TUBA4B: variants seen among roughly 807,000 people sequenced by gnomAD.
The protein encoded by TUBA4B is tubulin-like protein alpha-4B.
A neutral mutation model predicts 18.4 loss-of-function variants in TUBA4B; 13 were observed. The observed-to-expected ratio is 0.71, with a 90% CI of 0.46 to 1.12. TUBA4B has a LOEUF of 1.12. TUBA4B is among the 50% of genes most tolerant of loss of function. TUBA4B has a pLI of 0.00. For missense variants in TUBA4B, 244 were observed against 250.0 expected (o/e 0.98, Z 0.16); for synonymous variants, 101 against 99.1 (o/e 1.02, Z -0.11).
chr2:219,253,548 C>A, intron 1 of TUBA4B, 129 bp downstream of exon 1: 1 of 817,374 alleles, frequency 1.2e-6, no homozygotes, highest in South Asian at 1.5e-5. Flanking sequence ...GGGCGCGGGC[C>A]CGCGTGACTC....
intron 1 of TUBA4B, chr2:219,254,001 GC>G: frequency 1.2e-6 from 1 of 849,242 alleles, no homozygotes; most frequent in Non-Finnish European, 1.7e-6. Flanking sequence ...AGGCTGGGCG[GC>G]CCGCAGGCCA....
rs544596055 is a variant in TUBA4B, at chr2:219,268,105, C to CTTT, written c.58+1558_58+1560dup. 2.1e-3 allele frequency among the ~76,000 whole-genome samples: 251 copies of CTTT among 118,690 alleles called. 12 individuals are homozygous for CTTT. The South Asian group carries it at 0.028, about 13-fold the overall frequency. The allele number at this position is 118,690 out of a possible 152,430, so 77.9% of individuals were successfully genotyped here. A position where few individuals can be genotyped will look rare whatever the true frequency, so the allele number is the denominator to read the frequency against. Reference sequence around the variant, plus strand: ...TTGAGGTCTCAGCTCAACTCATTATCTTTTTTTTTTTTTTTTTTTTTGAGA... The same window carrying CTTT: ...TTGAGGTCTCAGCTCAACTCATTATCTTTTTTTTTTTTTTTTTTTTTTTTGAGA... On this transcript the variant is annotated intron_variant, in intron 2 of 3. Coordinates refer to ENST00000490341, the MANE Select transcript of TUBA4B (RefSeq NM_001355221.1).
In TUBA4B at chr2:219,271,588, T is replaced by G. The variant is rs777822245; in HGVS notation, c.615T>G (p.Thr205=). The change falls in exon 4 of 4, where the codon ACT becomes ACG. Residue 205 remains threonine (T), a synonymous_variant. Transcript: ENST00000490341. ...ACCTGGTGTCCTACCTCACATCCAC[T>G]TCCCCCTGGCCACCTATGCACCAGT... ...QTNLVSYLTS[T]SPWPPMHQSS... is the part of the protein sequence containing the mutation. 1 of 1,614,108 alleles carries G rather than the reference T, an allele frequency of 6.2e-7. No individual in the cohort carries two copies. The highest frequency in any genetic ancestry group is 2.2e-5 in the East Asian group (1 of 44,882).
intron 2 of TUBA4B, 139 bp from the exon 3 acceptor site, chr2:219,270,063 C>A: frequency 1.6e-6 from 1 of 616,184 alleles, no homozygotes; most frequent in Non-Finnish European, 2.9e-6. Flanking sequence ...CACATCCAAG[C>A]AGGTAATAGC....
At chr2:219,270,778 A>C (rs1951820269) in intron 3 of TUBA4B, among the ~76,000 whole-genome samples, 1 of 150,594 alleles carries the variant, frequency 6.6e-6, no homozygotes, top group African/African-American at 2.5e-5. Flanking sequence ...TTAGTAGAGA[A>C]ACCCTCTAGA....
chr2:219,264,754 T>C (rs901567467), intron 1 of TUBA4B, among the ~76,000 whole-genome samples: 13 of 152,158 alleles, frequency 8.5e-5, no homozygotes, highest in African/African-American at 3.1e-4. Context: ...AACGTATACA[T>C]TGTGTTTTTC....
chr2:219,253,519 T>G (rs1187776511), intron 1 of TUBA4B, 100 bp downstream of exon 1: 1 of 1,037,552 alleles, frequency 9.6e-7, no homozygotes, highest in Non-Finnish European at 1.4e-6. Context: ...CCCGTCTTCT[T>G]TTGCCCGCGG....
intron 1 of TUBA4B, among the ~76,000 whole-genome samples, chr2:219,259,582 C>T (rs982699369): frequency 4.6e-5 from 7 of 152,144 alleles, no homozygotes; most frequent in Admixed American, 2.0e-4. Flanking sequence ...TTCACTCTCC[C>T]GTTGAATTAA....
chr2:219,260,972 A>AAAAT lies in TUBA4B; in HGVS notation c.13-5525_13-5522dup, dbSNP rs371755421. Among the ~76,000 whole-genome samples the AAAAT allele has an allele frequency of 3.8e-3, 585 of 152,094 alleles. 8 individuals carry two copies. The highest frequency in any genetic ancestry group is 0.037 in the East Asian group (190 of 5,154). Reference sequence around the variant, plus strand: ...GGACAAGAGCGAGACTTCATCTAAAAAAATAAATAAATAAATAAATAAATA... The same window carrying AAAAT: ...GGACAAGAGCGAGACTTCATCTAAAAAAATAAATAAATAAATAAATAAATAAATA... On this transcript the variant is annotated intron_variant, in intron 1 of 3. Coordinates refer to ENST00000490341, the MANE Select transcript of TUBA4B (RefSeq NM_001355221.1).
chr2:219,265,825 C>G (rs938855697), intron 1 of TUBA4B, among the ~76,000 whole-genome samples: 3 of 152,218 alleles, frequency 2.0e-5, no homozygotes, highest in Non-Finnish European at 2.9e-5. Flanking sequence ...TGCTCATCCT[C>G]TTGCTTTGCC....
chr2:219,253,264 C>G lies in TUBA4B; in HGVS notation c.-144C>G. The G allele has an allele frequency of 1.3e-6, 2 of 1,492,828 alleles. No individual in the cohort carries two copies. Among genetic ancestry groups the G allele is most frequent in the Admixed American group, 4.3e-5 (2 of 47,050 alleles). 92.5% of individuals were successfully genotyped at this position (1,492,828 alleles called of 1,614,324 possible). On this transcript the variant is annotated 5_prime_UTR_variant, in exon 1 of 4. Coordinates refer to ENST00000490341, the MANE Select transcript of TUBA4B (RefSeq NM_001355221.1). ...AGCTGTCTCTGCCCATCCGCGCACC[C>G]GGGCTTCGGCTGGAGAGGGCCAGCT...
intron 1 of TUBA4B, among the ~76,000 whole-genome samples, chr2:219,261,692 C>T (rs2125075188): frequency 6.6e-6 from 1 of 152,358 alleles, no homozygotes; most frequent in Middle Eastern, 3.4e-3. Context: ...CTTCAGCAGC[C>T]TCTGAACCAG....
chr2:219,257,988 T>TA (rs1951732949), intron 1 of TUBA4B, among the ~76,000 whole-genome samples: 1 of 142,062 alleles, frequency 7.0e-6, no homozygotes, highest in African/African-American at 2.6e-5. Context: ...TGGGTGTTTT[T>TA]TTTTTTTTTT....
At chr2:219,253,969 G>A (rs1951693617) in intron 1 of TUBA4B, 2 of 1,137,080 alleles carry the variant, frequency 1.8e-6, no homozygotes, top group East Asian at 3.2e-5. Context: ...GGCGGGGCCC[G>A]CGTTCCCCGC....
In TUBA4B at chr2:219,271,631, T is replaced by C. The variant is rs771779034; in HGVS notation, c.658T>C (p.Tyr220His). The change falls in exon 4 of 4, where the codon TAT (tyrosine) becomes CAT (histidine). Residue 220 changes from tyrosine (Y) to histidine (H), a missense_variant. Physicochemically the swap from Tyr to His is moderately conservative, Grantham distance 83. Coordinates refer to ENST00000490341, the MANE Select transcript of TUBA4B (RefSeq NM_001355221.1). ...PMHQSSLQKR[Y>H]TTSSCWWQRL... ...GCACCAGTCATCTCTGCAGAAAAGG[T>C]ATACCACGAGCAGCTGTTGGTGGCA... 4.3e-5 allele frequency: 70 copies of C among 1,613,814 alleles called. No homozygotes were observed. In the African/African-American group the frequency reaches 6.0e-4, roughly 14 times the overall value.
chr2:219,264,776 C>G (rs1372454605), intron 1 of TUBA4B, among the ~76,000 whole-genome samples: 1 of 152,154 alleles, frequency 6.6e-6, no homozygotes, highest in Non-Finnish European at 1.5e-5. Flanking sequence ...GGAACCTTCT[C>G]TTTAATATTT....
At chr2:219,263,667 TC>T (rs904323545) in intron 1 of TUBA4B, among the ~76,000 whole-genome samples, 24 of 152,332 alleles carry the variant, frequency 1.6e-4, no homozygotes, top group African/African-American at 5.5e-4. Context: ...GTCCATGGTT[TC>T]ATGGGCCAAC....
intron 2 of TUBA4B, among the ~76,000 whole-genome samples, chr2:219,269,816 G>A (rs1281235601): frequency 1.3e-5 from 2 of 152,078 alleles, no homozygotes; most frequent in Non-Finnish European, 1.5e-5. Flanking sequence ...TGTGCCCCAG[G>A]CGGTGTTTGT....
intron 2 of TUBA4B, among the ~76,000 whole-genome samples, chr2:219,267,378 C>T (rs1319593526): frequency 6.6e-6 from 1 of 152,158 alleles, no homozygotes; most frequent in African/African-American, 2.4e-5. Flanking sequence ...TAAAGTGCCA[C>T]CTTCACCTGG....
Sources: allele counts gnomAD v4.1 joint callset (sites outside exome capture counted in the v4.1 genomes callset), GRCh38; gene constraint gnomAD v4.1.1; transcripts MANE v1.5; gene names NCBI Gene and HGNC (gene_info 2026-07-23, HGNC 2026-07-21).